The following RNASE4 variants were observed in gnomAD, a reference collection of about 807,000 sequenced individuals.
RNASE4 encodes the protein ribonuclease A family member 4.
For missense variants in RNASE4, 194 were observed against 192.8 expected (o/e 1.01, Z -0.04); for synonymous variants, 93 against 71.4 (o/e 1.30, Z -1.52).
At chr14:20,697,395 C>T (rs1363553800) in intron 1 of RNASE4, among the ~76,000 whole-genome samples, 3 of 152,126 alleles carry the variant, frequency 2.0e-5, no homozygotes, top group Admixed American at 6.5e-5. Context: ...AAACATCTGC[C>T]CTTCCTCCCA....
intron 1 of RNASE4, chr14:20,693,469 G>A: frequency 1.9e-6 from 3 of 1,575,410 alleles, no homozygotes; most frequent in African/African-American, 1.3e-5. Flanking sequence ...CCGTGTCAGA[G>A]AGCAAAGCTC....
chr14:20,694,489 AG>A (rs2139027972), intron 1 of RNASE4, among the ~76,000 whole-genome samples: 1 of 152,124 alleles, frequency 6.6e-6, no homozygotes, highest in South Asian at 2.1e-4. Context: ...TAGTAGAGAC[AG>A]GGTTTCACCG....
At chr14:20,689,222 G>C (rs1886571402) in intron 1 of RNASE4, among the ~76,000 whole-genome samples, 1 of 152,208 alleles carries the variant, frequency 6.6e-6, no homozygotes, top group Non-Finnish European at 1.5e-5. Flanking sequence ...GAAAGAAACA[G>C]TATGTTTTTA....
intron 1 of RNASE4, among the ~76,000 whole-genome samples, chr14:20,690,059 C>T (rs1886644787): frequency 5.5e-5 from 8 of 144,978 alleles, no homozygotes; most frequent in Middle Eastern, 3.4e-3. Context: ...ACTAAAAATA[C>T]AAAAAATTAG....
intron 1 of RNASE4, chr14:20,693,629 C>T (rs762965174): frequency 1.9e-6 from 3 of 1,614,084 alleles, no homozygotes; most frequent in Non-Finnish European, 2.5e-6. Flanking sequence ...ACCCCACCGA[C>T]CCTGGCTCAG....
chr14:20,699,554 G>A lies in RNASE4; in HGVS notation c.183G>A (p.Lys61=). 1 of 1,614,214 alleles carries A rather than the reference G, an allele frequency of 6.2e-7. No individual in the cohort carries two copies. Among genetic ancestry groups the A allele is most frequent in the Non-Finnish European group, 8.5e-7 (1 of 1,180,042 alleles). ...GCAACTTGATGATGCAAAGACGGAA[G>A]ATGACTTTGTATCACTGCAAGCGCT... ...RYCNLMMQRR[K]MTLYHCKRFN... Residue 61 remains lysine, a synonymous_variant, in exon 2 of 2, where the codon AAG becomes AAA. Coordinates refer to ENST00000555835, the MANE Select transcript of RNASE4 (RefSeq NM_002937.5).
rs1333765766 is a variant in RNASE4 at position 20,699,410 on chromosome 14, G to C, written c.39G>C (p.Leu13Phe). The C allele has an allele frequency of 2.5e-6, 4 of 1,608,114 alleles. No homozygotes were observed. The highest frequency in any genetic ancestry group is 3.4e-6 in the Non-Finnish European group (4 of 1,176,146). Residue 13 changes from leucine to phenylalanine, a missense_variant, in exon 2 of 2, where the codon TTG (leucine) becomes TTC (phenylalanine). Leu to Phe is a conservative substitution (Grantham distance 22, BLOSUM62 0). Coordinates refer to ENST00000555835, the MANE Select transcript of RNASE4 (RefSeq NM_002937.5). ...LQRTHSLLLL[L>F]LLTLLGLGLV... ...GGACCCATTCATTGCTTCTGCTTTT[G>C]CTGCTGACCCTGCTGGGGCTGGGGC...
At chr14:20,698,107 C>T (rs1247961136) in intron 1 of RNASE4, among the ~76,000 whole-genome samples, 1 of 151,758 alleles carries the variant, frequency 6.6e-6, no homozygotes, top group East Asian at 1.9e-4. Context: ...GCCTGGATTC[C>T]TTTCTTTAAT....
chr14:20,696,195 C>A (rs1218548056), intron 1 of RNASE4, among the ~76,000 whole-genome samples: 1 of 152,160 alleles, frequency 6.6e-6, no homozygotes, highest in East Asian at 1.9e-4. Flanking sequence ...CTGCTTGGAG[C>A]ATTATCATCG....
Position 20,699,604 on chromosome 14 carries a change from T to G in RNASE4, c.233T>G (p.Ile78Ser), listed in dbSNP as rs370454942. The G allele has an allele frequency of 5.6e-6, 9 of 1,614,080 alleles. No individual in the cohort carries two copies. The highest frequency in any genetic ancestry group is 7.6e-6 in the Non-Finnish European group (9 of 1,180,038). Residue 78 changes from isoleucine (I) to serine (S), a missense_variant, in exon 2 of 2, where the codon ATC (isoleucine) becomes AGC (serine). By Grantham distance (142) the Ile-to-Ser change is moderately radical (BLOSUM62 -2). Coordinates refer to ENST00000555835, the MANE Select transcript of RNASE4 (RefSeq NM_002937.5). The part of the protein sequence containing the change: ...KRFNTFIHED[I>S]WNIRSICSTT... ...TTCAACACCTTCATCCATGAAGATA[T>G]CTGGAACATTCGTAGTATCTGCAGC...
chr14:20,700,390 G>A lies in RNASE4; in HGVS notation c.*575G>A, dbSNP rs972780272. Reference sequence around the variant, plus strand: ...TTGGAAATGTATGCCAGCAAAATGTGAGCTCTGTATTTTTTGGCATTCTTA... The same window carrying A: ...TTGGAAATGTATGCCAGCAAAATGTAAGCTCTGTATTTTTTGGCATTCTTA... On this transcript the variant is annotated 3_prime_UTR_variant, in exon 2 of 2. Transcript: ENST00000555835. The A allele has an allele frequency of 6.0e-6, 1 of 167,044 alleles. No individual in the cohort carries two copies. The highest frequency in any genetic ancestry group is 1.5e-5 in the Non-Finnish European group (1 of 68,152). 10.3% of individuals were successfully genotyped at this position (167,044 alleles called of 1,614,324 possible).
chr14:20,688,047 A>G (rs1028724206), intron 1 of RNASE4, among the ~76,000 whole-genome samples: 2 of 152,248 alleles, frequency 1.3e-5, no homozygotes, highest in Non-Finnish European at 2.9e-5. Context: ...CAATGGATCT[A>G]CAGCCCTGCT....
At chr14:20,688,276 G>C (rs542112339) in intron 1 of RNASE4, among the ~76,000 whole-genome samples, 67 of 152,320 alleles carry the variant, frequency 4.4e-4, no homozygotes, top group African/African-American at 1.6e-3. Flanking sequence ...TGCTTTCCTG[G>C]CTGTATGAAA....
rs181878775 is a variant in RNASE4 at position 20,700,508 on chromosome 14, T to C, written c.*693T>C. On this transcript the variant is annotated 3_prime_UTR_variant, in exon 2 of 2. Transcript: ENST00000555835. ...CCTAGTAAGTCAAAGTACTAAAAAA[T>C]GTACTAGATCATTAAGACTTATGTG... 1.8e-5 allele frequency: 3 copies of C among 167,222 alleles called. No individual in the cohort carries two copies. Among genetic ancestry groups the C allele is most frequent in the African/African-American group, 7.2e-5 (3 of 41,566 alleles). The allele number at this position is 167,222 out of a possible 1,614,324, so 10.4% of individuals were successfully genotyped here.
chr14:20,699,840 G>T lies in RNASE4; in HGVS notation c.*25G>T, dbSNP rs370954171. 4.6e-5 allele frequency: 74 copies of T among 1,602,002 alleles called. No individual in the cohort carries two copies. The highest frequency in any genetic ancestry group is 5.9e-5 in the Non-Finnish European group (69 of 1,171,706). ...GATGCCACCATGTAGGGATTATCGC[G>T]AGTGGTTGACCTTACACTTACTCCT... On this transcript the variant is annotated 3_prime_UTR_variant, in exon 2 of 2. Transcript: ENST00000555835.
chr14:20,699,099 G>A (rs1887190799), intron 1 of RNASE4: 1 of 404,416 alleles, frequency 2.5e-6, no homozygotes, highest in Non-Finnish European at 4.5e-6. Context: ...TCCCTGCCCT[G>A]TGTCATTGTA....
At chr14:20,692,554 G>T (rs1886820117) in intron 1 of RNASE4, among the ~76,000 whole-genome samples, 1 of 152,246 alleles carries the variant, frequency 6.6e-6, no homozygotes, top group Non-Finnish European at 1.5e-5. Context: ...GACGCCTATT[G>T]TGAACTGCGC....
At chr14:20,694,168 G>T (rs1368234350) in intron 1 of RNASE4, 1 of 770,678 alleles carries the variant, frequency 1.3e-6, no homozygotes, top group South Asian at 1.6e-5. Context: ...AAATAAAAAT[G>T]TCTTGATATC....
intron 1 of RNASE4, chr14:20,693,608 G>A (rs779304641): frequency 6.2e-7 from 1 of 1,613,922 alleles, no homozygotes; most frequent in Non-Finnish European, 8.5e-7. Context: ...TTCGTGCTGG[G>A]TCTGGGTCTG....
Sources: allele counts gnomAD v4.1 joint callset (sites outside exome capture counted in the v4.1 genomes callset), GRCh38; gene constraint gnomAD v4.1.1; transcripts MANE v1.5; gene names NCBI Gene and HGNC (gene_info 2026-07-23, HGNC 2026-07-21).